Variants in BRIX1 observed in about 807,000 individuals in gnomAD.
The protein encoded by BRIX1 is ribosome biogenesis protein BRX1 homolog.
In BRIX1, 15 loss-of-function variants were observed where a neutral mutation model predicts 44.0. That is an observed-to-expected ratio of 0.34 (90% CI 0.23 to 0.53). The LOEUF is 0.53. Ranked by LOEUF, BRIX1 falls within the 20% of genes least tolerant of loss-of-function variation. The pLI is 0.95. For missense variants in BRIX1, 420 were observed against 432.8 expected, an observed-to-expected ratio of 0.97 and a Z score of 0.26; for synonymous variants, 149 against 135.4, an observed-to-expected ratio of 1.10 and a Z score of -0.70.
chr5:34,916,719 C>T (rs1304845831), intron 1 of BRIX1: 1 of 152,182 alleles, frequency 6.6e-6, no homozygotes, highest in African/African-American at 2.4e-5. Flanking sequence ...AGTACTCTAG[C>T]GCGGAGTAGG....
intron 4 of BRIX1, 65 bp downstream of exon 4, chr5:34,922,352 T>C: frequency 9.4e-7 from 1 of 1,058,974 alleles, no homozygotes; most frequent in South Asian, 1.4e-5. Context: ...GTACCTTTTA[T>C]GTTATAGACT....
intron 1 of BRIX1, 25 bp downstream of exon 1, chr5:34,915,922 C>T: frequency 6.6e-7 from 1 of 1,515,156 alleles, no homozygotes; most frequent in Non-Finnish European, 8.8e-7. Context: ...CCCCGGGCTA[C>T]ACCTGCGGCG....
At chr5:34,923,088 T>G (rs767620566) in intron 7 of BRIX1, 37 bp downstream of exon 7, 1 of 1,561,864 alleles carries the variant, frequency 6.4e-7, no homozygotes, top group South Asian at 1.1e-5. Flanking sequence ...AAAATATACA[T>G]GATATATCTT....
intron 1 of BRIX1, 27 bp downstream of exon 1, chr5:34,915,924 C>A: frequency 2.0e-6 from 3 of 1,512,496 alleles, no homozygotes; most frequent in Non-Finnish European, 2.7e-6. Flanking sequence ...CCGGGCTACA[C>A]CTGCGGCGGC....
intron 3 of BRIX1, 64 bp downstream of exon 3, chr5:34,919,947 C>G (rs764926697): frequency 3.2e-6 from 2 of 628,620 alleles, no homozygotes; most frequent in Admixed American, 6.4e-5. Context: ...TATTTCAAAA[C>G]TAAGTCATTC....
Position 34,916,593 on chromosome 5 carries a change from C to T in BRIX1, c.159+696C>T, listed in dbSNP as rs41270675. 212 of 152,316 alleles carry T rather than the reference C, an allele frequency of 1.4e-3. 1 individual carries two copies. The highest frequency in any genetic ancestry group is 4.8e-3 in the African/African-American group (198 of 41,574). The allele number at this position is 152,316 out of a possible 1,614,324, so 9.4% of individuals were successfully genotyped here. A position where few individuals can be genotyped will look rare whatever the true frequency, so the allele number is the denominator to read the frequency against. ...TGATGGTTTTTATTCAAAAGAAGTG[C>T]ACACAAGTTGTTAGAATTAGCTTTC... On this transcript the variant is annotated intron_variant, in intron 1 of 9. Transcript: ENST00000336767.
intron 1 of BRIX1, 29 bp downstream of exon 1, chr5:34,915,926 T>A: frequency 6.6e-7 from 1 of 1,510,888 alleles, no homozygotes; most frequent in Non-Finnish European, 8.8e-7. Context: ...GGGCTACACC[T>A]GCGGCGGCGG....
rs41270677 is a variant in BRIX1 at position 34,916,579 on chromosome 5, A to T, written c.159+682A>T. 1.4e-3 allele frequency: 210 copies of T among 152,348 alleles called. 1 individual carries two copies. Among genetic ancestry groups the T allele is most frequent in the African/African-American group, 4.7e-3 (196 of 41,570 alleles). 9.4% of individuals were successfully genotyped at this position (152,348 alleles called of 1,614,324 possible). A position where few individuals can be genotyped will look rare whatever the true frequency, so the allele number is the denominator to read the frequency against. ...GAATTCAAATAAGTTGATGGTTTTTATTCAAAAGAAGTGCACACAAGTTGT... is the reference window on the plus strand; with the variant it reads ...GAATTCAAATAAGTTGATGGTTTTTTTTCAAAAGAAGTGCACACAAGTTGT... On this transcript the variant is annotated intron_variant, in intron 1 of 9. Coordinates refer to ENST00000336767, the MANE Select transcript of BRIX1 (RefSeq NM_018321.4).
chr5:34,923,147 A>G lies in BRIX1; in HGVS notation c.576A>G (p.Pro192=). ...TTTTTAACTAGATCTTTAGTACACCACGGTATCATCCCAAAAGCCAACCAT... is the reference window on the plus strand; with the variant it reads ...TTTTTAACTAGATCTTTAGTACACCGCGGTATCATCCCAAAAGCCAACCAT... ...KELLIQIFST[P]RYHPKSQPFV... is the part of the protein sequence containing the mutation. Residue 192 remains proline, a synonymous_variant, in exon 8 of 10, where the codon CCA becomes CCG. Transcript: ENST00000336767. 3 of 1,613,696 alleles carry G rather than the reference A, an allele frequency of 1.9e-6. No homozygotes were observed. The South Asian group carries it at 3.3e-5, about 18-fold the overall frequency.
rs565222120 is a variant in BRIX1 at position 34,925,409 on chromosome 5, A to G, written c.976A>G (p.Lys326Glu). 1.9e-6 allele frequency: 3 copies of G among 1,614,036 alleles called. No homozygotes were observed. Among genetic ancestry groups the G allele is most frequent in the African/African-American group, 1.3e-5 (1 of 75,062 alleles). Residue 326 changes from lysine (K) to glutamate (E), a missense_variant, in exon 10 of 10, where the codon AAA becomes GAA. By Grantham distance (56) the Lys-to-Glu change is moderately conservative. Coordinates refer to ENST00000336767, the MANE Select transcript of BRIX1 (RefSeq NM_018321.4). The part of the protein sequence containing the change: ...IEIQWVKPEP[K>E]VDLKARKKRI... ...AATACAGTGGGTAAAACCAGAGCCA[A>G]AAGTTGATTTGAAAGCAAGAAAGAA...
chr5:34,922,787 G>A lies in BRIX1; in HGVS notation c.510+19G>A. On this transcript the variant is annotated intron_variant, in intron 6 of 9. Coordinates refer to ENST00000336767, the MANE Select transcript of BRIX1 (RefSeq NM_018321.4). ...TGACCCTGTAAGTTTCTCATTCAGT[G>A]TATGAGGTCTAATTTTCTTATCTGG... The A allele has an allele frequency of 6.2e-7, 1 of 1,605,124 alleles. No homozygotes were observed. The highest frequency in any genetic ancestry group is 8.5e-7 in the Non-Finnish European group (1 of 1,172,662).
At chr5:34,921,193 T>C (rs1289714392) in intron 3 of BRIX1, 2 of 152,186 alleles carry the variant, frequency 1.3e-5, no homozygotes, top group African/African-American at 4.8e-5. Flanking sequence ...GAGTACTATA[T>C]TAATTAGAGT....
intron 2 of BRIX1, chr5:34,918,817 CT>C (rs34618448): frequency 0.019 from 2,563 of 132,310 alleles, 22 homozygotes; most frequent in African/African-American, 0.033. Context: ...CTTTTTGGGC[CT>C]TTTTTTTTTT....
chr5:34,923,307 C>G (rs1764281325), intron 8 of BRIX1, 73 bp downstream of exon 8: 3 of 1,242,230 alleles, frequency 2.4e-6, no homozygotes, highest in Non-Finnish European at 2.3e-6. Flanking sequence ...GAGACAGAGT[C>G]TCGCTCTTGT....
intron 3 of BRIX1, chr5:34,921,101 A>T (rs1764227560): frequency 6.6e-6 from 1 of 152,242 alleles, no homozygotes; most frequent in Non-Finnish European, 1.5e-5. Context: ...TCGGCCTCCC[A>T]AAGTGCTGGG....
chr5:34,922,893 TCA>T, intron 6 of BRIX1, 106 bp from the exon 7 acceptor site: 2 of 1,218,268 alleles, frequency 1.6e-6, no homozygotes, highest in Non-Finnish European at 2.4e-6. Context: ...ATCAATTCTT[TCA>T]GGTACATTTA....
In BRIX1 at chr5:34,919,837, T is replaced by A; in HGVS notation, c.272-3T>A. The stretch of plus-strand genomic sequence containing the variant: ...TTGCTTTTTCTTTTTTTTCTTTTTC[T>A]AGATACTAAAATGGATCGTAAGGAT... On this transcript the variant is annotated splice_region_variant and splice_polypyrimidine_tract_variant and intron_variant, in intron 2 of 9. Transcript: ENST00000336767. 9.7e-7 allele frequency: 1 copy of A among 1,035,020 alleles called. No individual in the cohort carries two copies. Among genetic ancestry groups the A allele is most frequent in the Non-Finnish European group, 1.4e-6 (1 of 720,972 alleles). The allele number at this position is 1,035,020 out of a possible 1,614,324, so 64.1% of individuals were successfully genotyped here.
chr5:34,924,801 G>GA, intron 8 of BRIX1, 46 bp from the exon 9 acceptor site: 1 of 1,387,392 alleles, frequency 7.2e-7, no homozygotes, highest in Non-Finnish European at 1.0e-6. Context: ...TACCTTTTGG[G>GA]AATAACGTAA....
Position 34,922,706 on chromosome 5 carries a change from G to A in BRIX1, c.448G>A (p.Ala150Thr), listed in dbSNP as rs780312889. 6 of 1,613,508 alleles carry A rather than the reference G, an allele frequency of 3.7e-6. No individual in the cohort carries two copies. The African/African-American group carries it at 4.0e-5, about 11-fold the overall frequency. The change falls in exon 6 of 10, where the codon GCT (alanine) becomes ACT (threonine). Residue 150 changes from alanine (A) to threonine (T), a missense_variant. Coordinates refer to ENST00000336767, the MANE Select transcript of BRIX1 (RefSeq NM_018321.4). ...KFLVQNIHTL[A>T]ELKMTGNCLK... ...TGTAATTTTTCTAGTTCATACCCTC[G>A]CTGAACTGAAGATGACTGGAAACTG...
Sources: gnomAD v4.1 joint callset for allele counts on GRCh38, gnomAD v4.1.1 for gene constraint, MANE v1.5 for transcripts, NCBI Gene and HGNC (gene_info 2026-07-23, HGNC 2026-07-21) for gene names.